Variants in POLQ observed in about 807,000 individuals in gnomAD.
POLQ encodes DNA polymerase theta.
Under a neutral mutation model 259.2 loss-of-function variants are expected in POLQ, and 233 were observed. The observed-to-expected ratio is 0.90, with a 90% CI of 0.81 to 1.00. POLQ has a LOEUF of 1.00. Ranked by LOEUF, POLQ falls within the 50% of genes least tolerant of loss-of-function variation. The pLI is 0.00. For synonymous variants in POLQ, 1,025 were observed against 1,048.8 expected, an observed-to-expected ratio of 0.98 and a Z score of 0.44; for missense variants, 2,871 against 3,051.6, an observed-to-expected ratio of 0.94 and a Z score of 1.39.
chr3:121,468,086 G>C (rs753784009), intron 23 of POLQ, among the ~76,000 whole-genome samples: 6 of 152,108 alleles, frequency 3.9e-5, no homozygotes, highest in Non-Finnish European at 8.8e-5. Flanking sequence ...TCACTTTAAA[G>C]CTTAACAAAG....
At chr3:121,511,710 G>A (rs551146695) in intron 10 of POLQ, among the ~76,000 whole-genome samples, 177 bp downstream of exon 10, 13 of 151,728 alleles carry the variant, frequency 8.6e-5, no homozygotes, top group South Asian at 6.3e-4. Flanking sequence ...CCCGGGAGGC[G>A]GAGGTTGCAG....
intron 29 of POLQ, 64 bp downstream of exon 29, chr3:121,432,854 C>T: frequency 1.0e-6 from 1 of 953,380 alleles, no homozygotes; most frequent in Non-Finnish European, 1.7e-6. Context: ...GGAAACAAAG[C>T]TGTCGGCCTG....
At chr3:121,472,257 AAATTT>A (rs1242225331) in intron 21 of POLQ, 93 bp from the exon 22 acceptor site, 1 of 582,692 alleles carries the variant, frequency 1.7e-6, no homozygotes, top group Admixed American at 3.2e-5. Flanking sequence ...TCTCAAAATT[AAATTT>A]GAGAGTAATA....
chr3:121,484,684 T>C (rs902014041), intron 17 of POLQ, among the ~76,000 whole-genome samples: 41 of 152,142 alleles, frequency 2.7e-4, no homozygotes, highest in African/African-American at 9.2e-4. Flanking sequence ...GTGGATCACC[T>C]GAGGTAAGGA....
intron 12 of POLQ, 45 bp downstream of exon 12, chr3:121,509,516 T>G: frequency 6.5e-7 from 1 of 1,527,534 alleles, no homozygotes; most frequent in East Asian, 2.3e-5. Flanking sequence ...ATATCTATTT[T>G]TTTCTCCCTA....
Position 121,539,556 on chromosome 3 carries a change from C to A in POLQ, c.508G>T (p.Gly170Cys). The change falls in exon 4 of 30, where the codon GGT (glycine) becomes TGT (cysteine). Residue 170 changes from glycine to cysteine, a missense_variant. By Grantham distance (159) the Gly-to-Cys change is radical. This residue lies in a region of POLQ where 783 missense variants were observed against 906.2 expected (regional missense o/e 0.86). Transcript: ENST00000264233. Reference sequence around the variant, plus strand: ...GATGGAGAGGTGCTGCCCATATAACCGTCTACTTTTATTCCTACTTCCTGA... The same window carrying A: ...GATGGAGAGGTGCTGCCCATATAACAGTCTACTTTTATTCCTACTTCCTGA... ...LFQEVGIKVD[G>C]YMGSTSPSRH... 1 of 1,612,728 alleles carries A rather than the reference C, an allele frequency of 6.2e-7. No individual in the cohort carries two copies.
intron 14 of POLQ, among the ~76,000 whole-genome samples, chr3:121,496,119 G>A (rs932839822): frequency 1.6e-5 from 2 of 123,844 alleles, no homozygotes; most frequent in African/African-American, 7.5e-5. Context: ...CAGTCAGACA[G>A]GAGTTCAGAA....
intron 26 of POLQ, among the ~76,000 whole-genome samples, chr3:121,441,495 C>T (rs1017234627): frequency 6.6e-6 from 1 of 152,176 alleles, no homozygotes; most frequent in Non-Finnish European, 1.5e-5. Flanking sequence ...TGTATATGCT[C>T]ATTTGTGTCT....
Position 121,522,104 on chromosome 3 carries a change from T to C in POLQ, c.1154A>G (p.Lys385Arg), listed in dbSNP as rs2048340375. The change falls in exon 8 of 30, where the codon AAA (lysine) becomes AGA (arginine). Residue 385 changes from lysine to arginine, a missense_variant. Transcript: ENST00000264233. ...SECPPVILEQ[K>R]ELLEVMDQLR... ...CTGATCCATCACTTCCAGGAGTTCT[T>C]TTTGTTCCAGAATTACTGGTGGGCA... The C allele has an allele frequency of 6.2e-7, 1 of 1,610,862 alleles. No individual in the cohort carries two copies. Among genetic ancestry groups the C allele is most frequent in the Non-Finnish European group, 8.5e-7 (1 of 1,178,614 alleles).
chr3:121,537,461 C>T (rs1242273455), intron 4 of POLQ, among the ~76,000 whole-genome samples: 1 of 152,176 alleles, frequency 6.6e-6, no homozygotes, highest in Non-Finnish European at 1.5e-5. Flanking sequence ...TTGTTCCCTT[C>T]TAGTAGTCCC....
intron 26 of POLQ, among the ~76,000 whole-genome samples, chr3:121,441,178 C>A (rs1198624017): frequency 6.6e-6 from 1 of 152,124 alleles, no homozygotes; most frequent in Non-Finnish European, 1.5e-5. Context: ...ATTTAAGAGG[C>A]TGTACTTCTA....
intron 10 of POLQ, among the ~76,000 whole-genome samples, chr3:121,511,132 A>T (rs1385722548): frequency 1.3e-5 from 2 of 149,966 alleles, no homozygotes; most frequent in Non-Finnish European, 3.0e-5. Flanking sequence ...AGGCTGAGGC[A>T]GGAGAATGGT....
intron 26 of POLQ, among the ~76,000 whole-genome samples, chr3:121,445,188 A>G (rs2047622979): frequency 6.6e-6 from 1 of 152,182 alleles, no homozygotes; most frequent in Non-Finnish European, 1.5e-5. Flanking sequence ...GATTGGTATT[A>G]GTTATTTAAA....
intron 1 of POLQ, 26 bp from the exon 2 acceptor site, chr3:121,544,932 A>T: frequency 1.4e-6 from 2 of 1,439,292 alleles, no homozygotes; most frequent in Non-Finnish European, 1.9e-6. Context: ...AAAAATTAAA[A>T]TTTAATTTAC....
Position 121,440,335 on chromosome 3 carries a change from T to G in POLQ, c.7265-219A>C, listed in dbSNP as rs148046764. Among the ~76,000 whole-genome samples, 1,230 of 152,158 alleles carry G rather than the reference T, an allele frequency of 8.1e-3. 15 individuals carry two copies. The highest frequency in any genetic ancestry group is 0.028 in the African/African-American group (1,168 of 41,510). ...AAATGAAATACTCTAACTCTTTGGG[T>G]TTTTTTGTTTTTGAGACAGGATCTC... On this transcript the variant is annotated intron_variant, in intron 26 of 29. Coordinates refer to ENST00000264233, the MANE Select transcript of POLQ (RefSeq NM_199420.4).
chr3:121,476,569 A>G lies in POLQ; in HGVS notation c.6376T>C (p.Ser2126Pro), dbSNP rs777198453. The change falls in exon 20 of 30, where the codon TCT (serine) becomes CCT (proline). Residue 2126 changes from serine to proline, a missense_variant. By Grantham distance (74) the Ser-to-Pro change is moderately conservative. This residue lies in a region of POLQ where 2,080 missense variants were observed against 2,126.0 expected (regional missense o/e 0.98). Transcript: ENST00000264233. Reference sequence around the variant, plus strand: ...GCGATGTCATCTGAACTGGTGAAAGAAAAACTGTGGCCAGCTAGTTGATAG... The same window carrying G: ...GCGATGTCATCTGAACTGGTGAAAGGAAAACTGTGGCCAGCTAGTTGATAG... ...QAYQLAGHSF[S>P]FTSSDDIAEV... The G allele has an allele frequency of 6.2e-7, 1 of 1,613,746 alleles. No individual in the cohort carries two copies. Among genetic ancestry groups the G allele is most frequent in the African/African-American group, 1.3e-5 (1 of 75,004 alleles).
At chr3:121,448,406 C>T (rs376391510) in intron 26 of POLQ, among the ~76,000 whole-genome samples, 1 of 151,762 alleles carries the variant, frequency 6.6e-6, no homozygotes, top group Non-Finnish European at 1.5e-5. Context: ...TCATTCTTGA[C>T]CCCCAGGCTG....
At chr3:121,498,017 A>G (rs1471518930) in intron 13 of POLQ, among the ~76,000 whole-genome samples, 1 of 152,162 alleles carries the variant, frequency 6.6e-6, no homozygotes, top group African/African-American at 2.4e-5. Context: ...AATTTAGTAA[A>G]TACAGAAAAC....
chr3:121,481,910 C>A, intron 18 of POLQ, 98 bp from the exon 19 acceptor site: 1 of 1,073,016 alleles, frequency 9.3e-7, no homozygotes. Context: ...CATTTCTAAC[C>A]TCACTCATTT....
Sources: allele counts gnomAD v4.1 joint callset (sites outside exome capture counted in the v4.1 genomes callset), GRCh38; gene constraint gnomAD v4.1.1; regional missense constraint gnomAD v4.1.1; transcripts MANE v1.5; gene names NCBI Gene and HGNC (gene_info 2026-07-23, HGNC 2026-07-21).